Variants in TIAM2 observed in about 807,000 individuals in gnomAD.
TIAM2 encodes the protein rho guanine nucleotide exchange factor TIAM2.
Under a neutral mutation model 152.9 loss-of-function variants are expected in TIAM2, and 80 were observed. That is an observed-to-expected ratio of 0.52 (90% CI 0.44 to 0.63). The LOEUF (loss-of-function observed/expected upper bound fraction) is 0.63, where lower values mean the gene tolerates loss of function less well. Ranked by LOEUF, TIAM2 falls within the 30% of genes least tolerant of loss-of-function variation. The pLI is 0.00. For synonymous variants in TIAM2, 804 were observed against 838.0 expected, an observed-to-expected ratio of 0.96 and a Z score of 0.70; for missense variants, 1,965 against 2,120.1, an observed-to-expected ratio of 0.93 and a Z score of 1.44.
At position 155,174,649 on chromosome 6, in the gene TIAM2, G is replaced by A. The variant is rs181119160; in HGVS notation, c.2362-2167G>A. ...CTCCCAAAGTGCTGGAATTACAGAC[G>A]TGAGCCATGGCGCCCGGCCAAGTGA... On this transcript the variant is annotated intron_variant, in intron 9 of 26. Coordinates refer to ENST00000682666, the MANE Select transcript of TIAM2 (RefSeq NM_012454.4). This position sits in a 1 kb window ranked among gnomAD's most constrained non-coding sequence, Gnocchi z 4.2. Among the ~76,000 whole-genome samples the A allele has an allele frequency of 6.6e-6, 1 of 152,344 alleles. No individual in the cohort carries two copies. Among genetic ancestry groups the A allele is most frequent in the Admixed American group, 6.5e-5 (1 of 15,298 alleles).
rs1421678213 is a variant in TIAM2, at chr6:154,995,983, GGCTCAGCGAGTGTAGACCGTGCGGTCCCT to G, written c.-209+499_-209+527del. Among the ~76,000 whole-genome samples the G allele has an allele frequency of 6.6e-6, 1 of 152,196 alleles. No individual in the cohort carries two copies. Among genetic ancestry groups the G allele is most frequent in the Non-Finnish European group, 1.5e-5 (1 of 68,038 alleles). On this transcript the variant is annotated intron_variant, in intron 1 of 26. Transcript: ENST00000682666. This position sits in a 1 kb window ranked among gnomAD's most constrained non-coding sequence, Gnocchi z 5.2. ...CGGCGAAGCAGGATCCCAGGCGGTC[GGCTCAGCGAGTGTAGACCGTGCGGTCCCT>G]GCTCAGCCCCTCCGGCCTTTCCGAG... is the stretch of plus-strand genomic sequence containing the variant.
At chr6:155,025,759 A>G (rs1444303963) in intron 1 of TIAM2, among the ~76,000 whole-genome samples, 1 of 151,836 alleles carries the variant, frequency 6.6e-6, no homozygotes, top group Non-Finnish European at 1.5e-5. Flanking sequence ...TACCAATCAC[A>G]TTTAAAAAAA....
intron 1 of TIAM2, among the ~76,000 whole-genome samples, chr6:155,009,089 ATCTTTT>A (rs1778444598): frequency 8.2e-6 from 1 of 122,362 alleles, no homozygotes; most frequent in Non-Finnish European, 1.6e-5. Flanking sequence ...GACTCAGAAG[ATCTTTT>A]TTTTTTTTTT....
chr6:155,175,148 C>T (rs913573684), intron 9 of TIAM2, among the ~76,000 whole-genome samples: 2 of 152,144 alleles, frequency 1.3e-5, no homozygotes, highest in Admixed American at 6.5e-5. Context: ...GGCATTGGCA[C>T]GTGTGGGGAT....
intron 1 of TIAM2, among the ~76,000 whole-genome samples, chr6:155,059,294 C>CTGTGTGTGTGTGTG (rs56013145): frequency 9.4e-5 from 11 of 117,212 alleles, no homozygotes; most frequent in South Asian, 2.4e-4. Flanking sequence ...GTGTGTGTGT[C>CTGTGTGTGTGTGTG]TGTGTGTGTG....
At chr6:155,059,321 T>TGTGTGTGTGCGCGC (rs1447070905) in intron 1 of TIAM2, among the ~76,000 whole-genome samples, 2 of 117,376 alleles carry the variant, frequency 1.7e-5, no homozygotes, top group East Asian at 4.3e-4. Context: ...TGTGTGTGTG[T>TGTGTGTGTGCGCGC]GTGTGCGCGT....
At chr6:155,056,143 C>CTA (rs1777445580) in intron 1 of TIAM2, among the ~76,000 whole-genome samples, 1 of 143,248 alleles carries the variant, frequency 7.0e-6, no homozygotes. Context: ...CTAATTGGTT[C>CTA]TAATGGATCT....
intron 4 of TIAM2, among the ~76,000 whole-genome samples, chr6:155,135,425 C>G (rs1372215849): frequency 6.6e-6 from 1 of 152,176 alleles, no homozygotes; most frequent in Admixed American, 6.5e-5. Flanking sequence ...CAAAAGCCCA[C>G]TAGCAGCTGA....
At chr6:155,159,306 A>G (rs1385731) in intron 7 of TIAM2, among the ~76,000 whole-genome samples, 71,587 of 152,000 alleles carry the variant, frequency 0.47, 17,363 homozygotes, top group Middle Eastern at 0.55. Flanking sequence ...CATAAAGTGG[A>G]CAGGTAAAAA....
At chr6:155,161,104 G>A (rs189030154) in intron 7 of TIAM2, among the ~76,000 whole-genome samples, 1 of 152,296 alleles carries the variant, frequency 6.6e-6, no homozygotes, top group Admixed American at 6.5e-5. Flanking sequence ...CAAGATTTGG[G>A]TGGAGAGGTC....
intron 2 of TIAM2, among the ~76,000 whole-genome samples, chr6:155,095,026 A>G (rs1187778093): frequency 2.0e-5 from 3 of 152,016 alleles, no homozygotes; most frequent in African/African-American, 7.2e-5. Context: ...GTTGCCTGGC[A>G]GCATATCTTT....
chr6:155,123,326 C>T (rs1001848257), intron 2 of TIAM2, among the ~76,000 whole-genome samples: 6 of 152,116 alleles, frequency 3.9e-5, no homozygotes, highest in South Asian at 2.1e-4. Context: ...AATGTATCCT[C>T]GTGAGTTGAT....
At position 155,129,134 on chromosome 6, in the gene TIAM2, G is replaced by A. The variant is rs557582232; in HGVS notation, c.-6-84G>A. 20 of 1,290,586 alleles carry A rather than the reference G, an allele frequency of 1.5e-5. No individual in the cohort carries two copies. Among genetic ancestry groups the A allele is most frequent in the Non-Finnish European group, 1.9e-5 (18 of 928,958 alleles). 79.9% of individuals were successfully genotyped at this position (1,290,586 alleles called of 1,614,324 possible). On this transcript the variant is annotated intron_variant, in intron 3 of 26. Coordinates refer to ENST00000682666, the MANE Select transcript of TIAM2 (RefSeq NM_012454.4). This position sits in a 1 kb window ranked among gnomAD's most constrained non-coding sequence, Gnocchi z 4.8. The stretch of plus-strand genomic sequence containing the variant: ...AGGCACTGAAGTTGCTGTGTAATAT[G>A]CAGGGCATTCTTTTTAGAAAGTTCT...
intron 15 of TIAM2, among the ~76,000 whole-genome samples, chr6:155,239,360 A>G (rs3935936): frequency 0.06 from 9,108 of 152,254 alleles, 342 homozygotes; most frequent in East Asian, 0.19. Context: ...TGTGCTGGCC[A>G]GTGAGCTGGC....
intron 1 of TIAM2, among the ~76,000 whole-genome samples, chr6:155,040,321 G>T (rs1344583890): frequency 6.6e-6 from 1 of 152,128 alleles, no homozygotes; most frequent in Non-Finnish European, 1.5e-5. Context: ...GGGCTGTAAT[G>T]GAGCTGTTAG....
chr6:155,187,800 A>G (rs1781087241), intron 14 of TIAM2, among the ~76,000 whole-genome samples: 1 of 150,978 alleles, frequency 6.6e-6, no homozygotes, highest in African/African-American at 2.4e-5. Context: ...CTGGTCTCGA[A>G]CTCCCAACCT....
At chr6:155,120,833 A>G (rs1156255102) in intron 2 of TIAM2, among the ~76,000 whole-genome samples, 1 of 152,220 alleles carries the variant, frequency 6.6e-6, no homozygotes, top group African/African-American at 2.4e-5. Context: ...ACAACCAAAA[A>G]TATTCCCAGA....
chr6:155,125,081 G>C (rs1779261169), intron 2 of TIAM2, among the ~76,000 whole-genome samples: 1 of 151,916 alleles, frequency 6.6e-6, no homozygotes, highest in East Asian at 1.9e-4. Context: ...GACCAGCCTG[G>C]CTAACATGGT....
At chr6:155,079,843 A>G (rs1290524368) in intron 1 of TIAM2, among the ~76,000 whole-genome samples, 1 of 152,128 alleles carries the variant, frequency 6.6e-6, no homozygotes, top group African/African-American at 2.4e-5. Flanking sequence ...AGCTTCTCAG[A>G]AGGCTGAGGT....
Sources: allele counts gnomAD v4.1 joint callset (sites outside exome capture counted in the v4.1 genomes callset), GRCh38; gene constraint gnomAD v4.1.1; non-coding constraint Gnocchi (gnomAD v3.1); transcripts MANE v1.5; gene names NCBI Gene and HGNC (gene_info 2026-07-23, HGNC 2026-07-21).